Variants in GRID2 observed in about 807,000 individuals in gnomAD.
GRID2 encodes glutamate receptor ionotropic, delta-2.
Under a neutral mutation model 114.8 loss-of-function variants are expected in GRID2, and 33 were observed. The ratio of observed to expected loss-of-function variants is 0.29; its 90% confidence interval spans 0.22 to 0.38. GRID2 has a LOEUF of 0.38. Among genes scored for constraint, GRID2 ranks in the 10% least tolerant of loss-of-function variants. The pLI, the probability that GRID2 is intolerant of heterozygous loss-of-function variation, is 1.00. For missense variants in GRID2, 1,184 were observed against 1,257.7 expected, an observed-to-expected ratio of 0.94 and a Z score of 0.89; for synonymous variants, 505 against 449.9, an observed-to-expected ratio of 1.12 and a Z score of -1.55.
chr4:92,463,881 A>G (rs1000075738), intron 1 of GRID2, among the ~76,000 whole-genome samples: 1 of 151,894 alleles, frequency 6.6e-6, no homozygotes, highest in Non-Finnish European at 1.5e-5. Flanking sequence ...ACCATTCCCT[A>G]TCTTGAGAAT....
At position 92,959,784 on chromosome 4, in the gene GRID2, C is replaced by T. The variant is rs569493808; in HGVS notation, c.245-125211C>T. On this transcript the variant is annotated intron_variant, in intron 2 of 15. Coordinates refer to ENST00000282020, the MANE Select transcript of GRID2 (RefSeq NM_001510.4). ...AAATCAAACACCACATGTTCTCATT[C>T]ATAAGTGGGAGATGAACAATGAGAA... Among the ~76,000 whole-genome samples, 5 of 152,070 alleles carry T rather than the reference C, an allele frequency of 3.3e-5. No individual in the cohort carries two copies. The East Asian group carries it at 9.7e-4, about 29-fold the overall frequency.
At chr4:92,788,698 CT>C (rs1560592463) in intron 2 of GRID2, among the ~76,000 whole-genome samples, 1 of 151,660 alleles carries the variant, frequency 6.6e-6, no homozygotes, top group African/African-American at 2.4e-5. Flanking sequence ...AGATTGAACA[CT>C]TTTTCATATG....
At chr4:93,301,425 T>C (rs1267212585) in intron 8 of GRID2, among the ~76,000 whole-genome samples, 1 of 152,194 alleles carries the variant, frequency 6.6e-6, no homozygotes, top group Non-Finnish European at 1.5e-5. Context: ...AAACTGGGAT[T>C]CGTTAAAAGT....
intron 2 of GRID2, among the ~76,000 whole-genome samples, chr4:93,081,920 G>A (rs1729904573): frequency 6.6e-6 from 1 of 152,066 alleles, no homozygotes. Flanking sequence ...TGTTCTTACT[G>A]CAGCCTTTTA....
chr4:93,075,162 C>G (rs1165697255), intron 2 of GRID2, among the ~76,000 whole-genome samples: 1 of 152,098 alleles, frequency 6.6e-6, no homozygotes, highest in African/African-American at 2.4e-5. Context: ...AGAAATCAAT[C>G]AATGCAATTG....
chr4:93,407,836 TCC>T (rs1766679451), intron 9 of GRID2, among the ~76,000 whole-genome samples: 1 of 146,776 alleles, frequency 6.8e-6, no homozygotes, highest in African/African-American at 2.5e-5. Flanking sequence ...CTCCTCCTCC[TCC>T]TCCTCCTCCA....
At chr4:92,942,495 C>T (rs1209510211) in intron 2 of GRID2, among the ~76,000 whole-genome samples, 1 of 152,162 alleles carries the variant, frequency 6.6e-6, no homozygotes, top group African/African-American at 2.4e-5. Flanking sequence ...CTGAATACAG[C>T]ACACTGATGG....
chr4:92,375,792 T>TA (rs1409313025), intron 1 of GRID2, among the ~76,000 whole-genome samples: 2 of 152,138 alleles, frequency 1.3e-5, no homozygotes, highest in Non-Finnish European at 2.9e-5. Flanking sequence ...CATGAGGAAA[T>TA]GTGCTCAAAG....
At chr4:93,317,851 T>G (rs1349996761) in intron 8 of GRID2, among the ~76,000 whole-genome samples, 1 of 151,434 alleles carries the variant, frequency 6.6e-6, no homozygotes, top group Non-Finnish European at 1.5e-5. Context: ...TGTGTCTGTT[T>G]CCTGCATTGA....
chr4:93,005,368 T>G (rs970213829), intron 2 of GRID2, among the ~76,000 whole-genome samples: 11 of 152,180 alleles, frequency 7.2e-5, no homozygotes, highest in African/African-American at 7.2e-5. Flanking sequence ...TCTCTGACTT[T>G]CCACTGTGAA....
At chr4:93,706,281 T>C (rs1727989453) in intron 14 of GRID2, among the ~76,000 whole-genome samples, 1 of 152,208 alleles carries the variant, frequency 6.6e-6, no homozygotes, top group South Asian at 2.1e-4. Flanking sequence ...ATAATTGACA[T>C]TTTAACAATA....
chr4:92,826,573 A>G (rs1006670339), intron 2 of GRID2, among the ~76,000 whole-genome samples: 10 of 152,236 alleles, frequency 6.6e-5, no homozygotes, highest in African/African-American at 2.4e-4. Flanking sequence ...AGTATCCATA[A>G]TAGTACCTAG....
intron 2 of GRID2, among the ~76,000 whole-genome samples, chr4:92,640,740 G>T (rs1048794235): frequency 1.3e-5 from 2 of 151,664 alleles, no homozygotes; most frequent in Non-Finnish European, 2.9e-5. Context: ...TCTAAGTCCC[G>T]TAATATATAT....
intron 8 of GRID2, among the ~76,000 whole-genome samples, chr4:93,303,313 C>G (rs959444752): frequency 1.3e-5 from 2 of 152,158 alleles, no homozygotes; most frequent in Non-Finnish European, 2.9e-5. Context: ...GTCCTAGAAG[C>G]TACAAACGGA....
intron 2 of GRID2, among the ~76,000 whole-genome samples, chr4:92,948,545 T>C (rs1751810159): frequency 6.6e-6 from 1 of 151,940 alleles, no homozygotes; most frequent in African/African-American, 2.4e-5. Flanking sequence ...AAGAATGACT[T>C]ATTTAAACTC....
At chr4:92,624,295 G>A (rs932020507) in intron 2 of GRID2, among the ~76,000 whole-genome samples, 1 of 151,788 alleles carries the variant, frequency 6.6e-6, no homozygotes, top group Non-Finnish European at 1.5e-5. Context: ...CGGGCAGTCT[G>A]GCTCCAAAGC....
At chr4:93,522,912 A>T (rs1478122148) in intron 13 of GRID2, among the ~76,000 whole-genome samples, 1 of 152,166 alleles carries the variant, frequency 6.6e-6, no homozygotes, top group Non-Finnish European at 1.5e-5. Context: ...TGCTTATGTG[A>T]ATAATCAAAT....
At position 92,999,782 on chromosome 4, in the gene GRID2, A is replaced by G. The variant is rs142049780; in HGVS notation, c.245-85213A>G. Among the ~76,000 whole-genome samples, 1,296 of 151,768 alleles carry G rather than the reference A, an allele frequency of 8.5e-3. 11 individuals carry two copies. Among genetic ancestry groups the G allele is most frequent in the Non-Finnish European group, 0.013 (868 of 67,680 alleles). On this transcript the variant is annotated intron_variant, in intron 2 of 15. Coordinates refer to ENST00000282020, the MANE Select transcript of GRID2 (RefSeq NM_001510.4). ...ATATATAATTGCTGGGATTAAGAGC[A>G]TAAATTTGTTAGATTGCTGATACAT...
intron 4 of GRID2, among the ~76,000 whole-genome samples, chr4:93,206,475 C>CA (rs1285025476): frequency 6.6e-6 from 1 of 151,938 alleles, no homozygotes; most frequent in Non-Finnish European, 1.5e-5. Context: ...TGACCTCTTA[C>CA]AAAAGAGTCT....
Sources: allele counts gnomAD v4.1 joint callset (sites outside exome capture counted in the v4.1 genomes callset), GRCh38; gene constraint gnomAD v4.1.1; transcripts MANE v1.5; gene names NCBI Gene and HGNC (gene_info 2026-07-23, HGNC 2026-07-21).